Variants in ACSS1 observed in about 807,000 individuals in gnomAD.
ACSS1 encodes acyl-CoA synthetase short chain family member 1, also known as acetyl-coenzyme A synthetase 2-like, mitochondrial.
A neutral mutation model predicts 75.3 loss-of-function variants in ACSS1; 42 were observed. The observed-to-expected ratio is 0.56, with a 90% CI of 0.44 to 0.72. The LOEUF is 0.72. Ranked by LOEUF, ACSS1 falls within the 30% of genes least tolerant of loss-of-function variation. The probability of loss-of-function intolerance (pLI) is 0.00; values close to 1 mark genes in which losing one functional copy is unlikely to be tolerated. For missense variants in ACSS1, 782 were observed against 935.7 expected, an observed-to-expected ratio of 0.84 and a Z score of 2.14; for synonymous variants, 380 against 376.8, an observed-to-expected ratio of 1.01 and a Z score of -0.10.
In ACSS1 at chr20:25,012,948, C is replaced by T. The variant is rs748692559; in HGVS notation, c.1580-9G>A. ...TCCAGTGAAGTAATAGCCTGCACCA[C>T]AGCAGGGAAATTCAGCACCAGGAAC... On this transcript the variant is annotated splice_polypyrimidine_tract_variant and intron_variant, in intron 10 of 13. Coordinates refer to ENST00000323482, the MANE Select transcript of ACSS1 (RefSeq NM_032501.4). 6.2e-7 allele frequency: 1 copy of T among 1,614,150 alleles called. No homozygotes were observed. The highest frequency in any genetic ancestry group is 8.5e-7 in the Non-Finnish European group (1 of 1,180,014).
In ACSS1 at chr20:25,058,031, G is replaced by T; in HGVS notation, c.72C>A (p.Pro24=). The T allele has an allele frequency of 7.3e-7, 1 of 1,374,586 alleles. No individual in the cohort carries two copies. Among genetic ancestry groups the T allele is most frequent in the Non-Finnish European group, 9.3e-7 (1 of 1,071,918 alleles). 85.1% of individuals were successfully genotyped at this position (1,374,586 alleles called of 1,614,324 possible). A position where few individuals can be genotyped will look rare whatever the true frequency, so the allele number is the denominator to read the frequency against. Residue 24 remains proline, a synonymous_variant, in exon 1 of 14, where the codon CCC becomes CCA. Coordinates refer to ENST00000323482, the MANE Select transcript of ACSS1 (RefSeq NM_032501.4). ...CGCTCACCCCGCACGGCGGCCGCGC[G>T]GGCTGCCCCGAGAGCCCTCGCAGGC... is the stretch of plus-strand genomic sequence containing the variant. ...LGSLRGLSGQ[P]ARPPCGVSAP... is the part of the protein sequence containing the mutation.
chr20:25,032,676 C>G, intron 2 of ACSS1: 1 of 1,204,544 alleles, frequency 8.3e-7, no homozygotes, highest in African/African-American at 1.6e-5. Context: ...CATAGCTCTC[C>G]TCTGTTCAAA....
intron 2 of ACSS1, chr20:25,032,298 A>T: frequency 8.0e-7 from 1 of 1,254,780 alleles, no homozygotes; most frequent in African/African-American, 1.5e-5. Flanking sequence ...ACGTGACCCA[A>T]CCTGGTCCAG....
At chr20:25,038,318 G>GC (rs1419465383) in intron 2 of ACSS1, among the ~76,000 whole-genome samples, 2 of 152,096 alleles carry the variant, frequency 1.3e-5, no homozygotes, top group Non-Finnish European at 2.9e-5. Context: ...TCCCAACACA[G>GC]CCCCCCACAC....
chr20:25,048,594 T>C (rs760258315), intron 1 of ACSS1, among the ~76,000 whole-genome samples: 49 of 152,182 alleles, frequency 3.2e-4, no homozygotes, highest in Non-Finnish European at 6.0e-4. Context: ...AAACAGGTTG[T>C]TCCTGTTTCA....
At chr20:25,009,004 C>T (rs531853366) in intron 13 of ACSS1, among the ~76,000 whole-genome samples, 1 of 152,238 alleles carries the variant, frequency 6.6e-6, no homozygotes, top group East Asian at 1.9e-4. Context: ...GTAGGCCTGC[C>T]TAGGCAACCT....
At chr20:25,018,102 C>T (rs931353659) in intron 7 of ACSS1, among the ~76,000 whole-genome samples, 10 of 152,210 alleles carry the variant, frequency 6.6e-5, no homozygotes, top group Admixed American at 3.9e-4. Context: ...CCAAATCTCA[C>T]GCTGAAATGT....
At chr20:25,051,256 G>A (rs1194951437) in intron 1 of ACSS1, among the ~76,000 whole-genome samples, 2 of 152,218 alleles carry the variant, frequency 1.3e-5, no homozygotes, top group African/African-American at 4.8e-5. Flanking sequence ...GCTCCCTAGG[G>A]CGAGGGCTGA....
intron 2 of ACSS1, chr20:25,046,649 G>T: frequency 1.6e-6 from 1 of 616,728 alleles, no homozygotes. Flanking sequence ...TACTCCAGGG[G>T]CAGCAGCCTC....
In ACSS1 at chr20:25,023,383, T is replaced by C. The variant is rs183264193; in HGVS notation, c.807+83A>G. The C allele has an allele frequency of 9.0e-6, 14 of 1,548,514 alleles. No individual in the cohort carries two copies. In the East Asian group the frequency reaches 2.1e-4, roughly 23 times the overall value. ...CCTGGGCACCTCTAGGGAACCCAAA[T>C]TGAGAACCACAACCCGAGAAGCCTC... On this transcript the variant is annotated intron_variant, in intron 4 of 13. Transcript: ENST00000323482.
At chr20:25,053,902 A>T (rs1170770429) in intron 1 of ACSS1, among the ~76,000 whole-genome samples, 2 of 152,224 alleles carry the variant, frequency 1.3e-5, no homozygotes, top group East Asian at 3.8e-4. Context: ...AAAGCAACAC[A>T]TGTCATTACC....
Position 25,023,108 on chromosome 20 carries a change from A to G in ACSS1, c.808-16T>C, listed in dbSNP as rs2088653385. 6.2e-7 allele frequency: 1 copy of G among 1,607,732 alleles called. No homozygotes were observed. The highest frequency in any genetic ancestry group is 8.5e-7 in the Non-Finnish European group (1 of 1,176,722). The stretch of plus-strand genomic sequence containing the variant: ...TGGCCATTTCCTGGCAGGGAGAAGA[A>G]ACAAACAGCCCACCGAGGGCACTCA... On this transcript the variant is annotated splice_polypyrimidine_tract_variant and intron_variant, in intron 4 of 13. Coordinates refer to ENST00000323482, the MANE Select transcript of ACSS1 (RefSeq NM_032501.4).
Position 25,036,777 on chromosome 20 carries a change from A to G in ACSS1, c.432-5819T>C, listed in dbSNP as rs183669741. On this transcript the variant is annotated intron_variant, in intron 2 of 13. Transcript: ENST00000323482. ...TAAGACCAGCCTGGCCAACCATAGC[A>G]AAACCCTGTGTCTACTAAAAATACA... Among the ~76,000 whole-genome samples the G allele has an allele frequency of 4.6e-5, 7 of 152,110 alleles. 1 individual carries two copies. The highest frequency in any genetic ancestry group is 4.6e-4 in the Admixed American group (7 of 15,278).
chr20:25,036,983 G>C (rs2088918526), intron 2 of ACSS1, among the ~76,000 whole-genome samples: 1 of 105,918 alleles, frequency 9.4e-6, no homozygotes, highest in Non-Finnish European at 1.9e-5. Flanking sequence ...AAGAAAGAAA[G>C]AAAAAGAAAG....
intron 1 of ACSS1, among the ~76,000 whole-genome samples, chr20:25,049,684 G>A (rs146344085): frequency 1.3e-5 from 2 of 152,142 alleles, no homozygotes; most frequent in Admixed American, 1.3e-4. Flanking sequence ...ATTACTGCAA[G>A]AGCCTCCACG....
intron 1 of ACSS1, among the ~76,000 whole-genome samples, chr20:25,057,135 G>C (rs1016238990): frequency 4.6e-5 from 7 of 151,994 alleles, no homozygotes; most frequent in Admixed American, 1.3e-4. Context: ...CTCTGAGGCC[G>C]AGAACGAGAA....
chr20:25,057,606 G>A (rs2089261298), intron 1 of ACSS1, among the ~76,000 whole-genome samples, 163 bp downstream of exon 1: 1 of 152,212 alleles, frequency 6.6e-6, no homozygotes, highest in Non-Finnish European at 1.5e-5. Flanking sequence ...GGGTGACGTG[G>A]AGCCACTGCT....
chr20:25,013,415 G>A lies in ACSS1; in HGVS notation c.1579+121C>T, dbSNP rs1248789353. ...GTGCGGAGTCAAACTCTGGCCTCGC[G>A]AGCACCTATTCCTGGCCACAGTGTT... On this transcript the variant is annotated intron_variant, in intron 10 of 13. Coordinates refer to ENST00000323482, the MANE Select transcript of ACSS1 (RefSeq NM_032501.4). The A allele has an allele frequency of 7.6e-5, 101 of 1,330,068 alleles. 1 individual carries two copies. Among genetic ancestry groups the A allele is most frequent in the Non-Finnish European group, 8.1e-5 (81 of 996,932 alleles). The allele number at this position is 1,330,068 out of a possible 1,614,324, so 82.4% of individuals were successfully genotyped here.
intron 2 of ACSS1, among the ~76,000 whole-genome samples, chr20:25,038,510 C>A (rs1193046942): frequency 6.6e-6 from 1 of 152,158 alleles, no homozygotes; most frequent in African/African-American, 2.4e-5. Context: ...ACTGATGGAC[C>A]TTTAAGAAAG....
Sources: gnomAD v4.1 joint callset for allele counts (sites outside exome capture counted in the v4.1 genomes callset) on GRCh38, gnomAD v4.1.1 for gene constraint, MANE v1.5 for transcripts, NCBI Gene and HGNC (gene_info 2026-07-23, HGNC 2026-07-21) for gene names.